Variants in DDX42 observed in about 807,000 individuals in gnomAD.
DDX42 encodes DEAD-box helicase 42, also known as ATP-dependent RNA helicase DDX42.
Under a neutral mutation model 101.5 loss-of-function variants are expected in DDX42, and 22 were observed. That is an observed-to-expected ratio of 0.22 (90% CI 0.15 to 0.31). The LOEUF is 0.31. Among genes scored for constraint, DDX42 ranks in the 10% least tolerant of loss-of-function variants. DDX42 has a pLI of 1.00. For synonymous variants in DDX42, 402 were observed against 401.2 expected (o/e 1.00, Z -0.02); for missense variants, 849 against 1,199.9 (o/e 0.71, Z 4.32).
intron 6 of DDX42, among the ~76,000 whole-genome samples, chr17:63,803,943 C>T (rs1007465870): frequency 6.6e-6 from 1 of 152,096 alleles, no homozygotes; most frequent in Non-Finnish European, 1.5e-5. Flanking sequence ...AGCCACTGCT[C>T]CAGGCCTGGA....
At position 63,789,546 on chromosome 17, in the gene DDX42, C is replaced by CGTTTT. The variant is rs138224520; in HGVS notation, c.221+2276_221+2277insGTTTT. 1.8e-4 allele frequency among the ~76,000 whole-genome samples: 22 copies of CGTTTT among 121,840 alleles called. 8 individuals are homozygous for CGTTTT. The highest frequency in any genetic ancestry group is 5.5e-4 in the African/African-American group (16 of 29,356). The allele number at this position is 121,840 out of a possible 152,430, so 79.9% of individuals were successfully genotyped here. ...ATTGGAAAAAAAAGCTTCTAAAAGA[C>CGTTTT]TTTTTTGTTTTTGTTTTTGTTTTTG... On this transcript the variant is annotated intron_variant, in intron 2 of 17. Transcript: ENST00000389924.
intron 10 of DDX42, 92 bp downstream of exon 10, chr17:63,809,040 A>G (rs1567743302): frequency 2.0e-6 from 3 of 1,535,332 alleles, no homozygotes; most frequent in Non-Finnish European, 2.6e-6. Flanking sequence ...AAAGTGTGGT[A>G]AAAGCAGGGT....
Position 63,808,810 on chromosome 17 carries a change from A to G in DDX42, c.1024-10A>G. On this transcript the variant is annotated splice_polypyrimidine_tract_variant and intron_variant, in intron 9 of 17. Transcript: ENST00000389924. The stretch of plus-strand genomic sequence containing the variant: ...CACAGTTTGTTAATATATTATTCAC[A>G]ACTTTGTAGATCCATGCAGAATGTA... The G allele has an allele frequency of 6.2e-7, 1 of 1,613,556 alleles. No homozygotes were observed. The highest frequency in any genetic ancestry group is 2.2e-5 in the East Asian group (1 of 44,864).
chr17:63,811,222 A>C, intron 13 of DDX42, 49 bp downstream of exon 13: 1 of 1,300,470 alleles, frequency 7.7e-7, no homozygotes, highest in Non-Finnish European at 1.1e-6. Context: ...TATTTCTCAT[A>C]TTATGGAACA....
intron 7 of DDX42, chr17:63,805,409 A>G (rs895507304): frequency 2.8e-5 from 13 of 472,344 alleles, no homozygotes; most frequent in South Asian, 2.6e-4. Flanking sequence ...AGTCAGTTTT[A>G]TATGTTCTGT....
chr17:63,783,424 G>A (rs1215210332), intron 1 of DDX42, among the ~76,000 whole-genome samples: 3 of 152,074 alleles, frequency 2.0e-5, no homozygotes, highest in African/African-American at 7.2e-5. Flanking sequence ...GTATACACTA[G>A]GAAAAATGAG....
intron 16 of DDX42, chr17:63,816,545 A>C: frequency 1.0e-5 from 2 of 196,188 alleles, no homozygotes; most frequent in Non-Finnish European, 2.1e-5. Flanking sequence ...ACAATATGCT[A>C]TTCAGGGCCT....
chr17:63,810,587 CA>C (rs1567744202), intron 12 of DDX42, 27 bp downstream of exon 12: 1 of 1,608,808 alleles, frequency 6.2e-7, no homozygotes, highest in Non-Finnish European at 8.5e-7. Flanking sequence ...TTTGTTAAAC[CA>C]AATTTGTACT....
Position 63,812,027 on chromosome 17 carries a change from A to C in DDX42, c.1494A>C (p.Ser498=), listed in dbSNP as rs765380045. Residue 498 remains serine (S), a synonymous_variant, in exon 14 of 18, where the codon TCA becomes TCC. Transcript: ENST00000389924. The part of the protein sequence containing the change: ...LTRRLVEFTS[S]GSVLLFVTKK... The stretch of plus-strand genomic sequence containing the variant: ...GGCGTCTGGTAGAATTTACCTCTTC[A>C]GGGAGTGTCCTCCTCTTTGTTACTA... 1.2e-6 allele frequency: 2 copies of C among 1,614,234 alleles called. No individual in the cohort carries two copies. The highest frequency in any genetic ancestry group is 2.2e-5 in the South Asian group (2 of 91,080).
At chr17:63,788,077 G>A (rs540350301) in intron 2 of DDX42, among the ~76,000 whole-genome samples, 4 of 151,604 alleles carry the variant, frequency 2.6e-5, no homozygotes, top group Admixed American at 6.6e-5. Context: ...GCTAATTTTT[G>A]TATTATTAGT....
chr17:63,790,191 A>G (rs1211633501), intron 2 of DDX42, among the ~76,000 whole-genome samples: 1 of 152,208 alleles, frequency 6.6e-6, no homozygotes, highest in African/African-American at 2.4e-5. Context: ...ATGAATGAAT[A>G]TGCATGAGTA....
Position 63,802,540 on chromosome 17 carries a change from G to A in DDX42, c.621+1923G>A, listed in dbSNP as rs71377710. Among the ~76,000 whole-genome samples, 1,380 of 152,306 alleles carry A rather than the reference G, an allele frequency of 9.1e-3. 5 individuals are homozygous for A. The highest frequency in any genetic ancestry group is 0.016 in the Non-Finnish European group (1,122 of 68,020). On this transcript the variant is annotated intron_variant, in intron 6 of 17. Coordinates refer to ENST00000389924, the MANE Select transcript of DDX42 (RefSeq NM_203499.3). ...TTCAACACTTTGGGAGGCTGAGGCG[G>A]GTAGATCGCTTGAGCTCAGGAATTT...
In DDX42 at chr17:63,789,546, C is replaced by CGTTTTTTTTTTTTTTTT. The variant is rs138224520; in HGVS notation, c.221+2276_221+2277insGTTTTTTTTTTTTTTTT. ...ATTGGAAAAAAAAGCTTCTAAAAGACTTTTTTGTTTTTGTTTTTGTTTTTG... is the reference window on the plus strand; with the variant it reads ...ATTGGAAAAAAAAGCTTCTAAAAGACGTTTTTTTTTTTTTTTTTTTTTTGTTTTTGTTTTTGTTTTTG... On this transcript the variant is annotated intron_variant, in intron 2 of 17. Transcript: ENST00000389924. Among the ~76,000 whole-genome samples, 5 of 121,850 alleles carry CGTTTTTTTTTTTTTTTT rather than the reference C, an allele frequency of 4.1e-5. 2 individuals carry two copies. Among genetic ancestry groups the CGTTTTTTTTTTTTTTTT allele is most frequent in the African/African-American group, 1.0e-4 (3 of 29,320 alleles). The allele number at this position is 121,850 out of a possible 152,430, so 79.9% of individuals were successfully genotyped here.
chr17:63,799,201 T>C (rs968842973), intron 4 of DDX42, among the ~76,000 whole-genome samples: 11 of 152,234 alleles, frequency 7.2e-5, no homozygotes, highest in African/African-American at 2.7e-4. Context: ...GTGACCTTTC[T>C]AGTATATGCC....
intron 3 of DDX42, among the ~76,000 whole-genome samples, chr17:63,797,513 T>C (rs1236174570): frequency 7.6e-6 from 1 of 132,024 alleles, no homozygotes; most frequent in African/African-American, 2.6e-5. Flanking sequence ...TGTGGGGCTT[T>C]CCTGTGTATT....
intron 13 of DDX42, 115 bp from the exon 14 acceptor site, chr17:63,811,817 G>GA (rs2039913534): frequency 2.2e-6 from 3 of 1,392,272 alleles, no homozygotes; most frequent in Non-Finnish European, 3.0e-6. Flanking sequence ...GGCCCAAGGA[G>GA]AACTGGGATT....
At chr17:63,805,363 G>T in intron 7 of DDX42, 188 bp downstream of exon 7, 1 of 655,984 alleles carries the variant, frequency 1.5e-6, no homozygotes, top group South Asian at 2.3e-5. Flanking sequence ...TCTAGATGCT[G>T]TTTTAGGATA....
At chr17:63,804,517 T>C (rs998347032) in intron 6 of DDX42, among the ~76,000 whole-genome samples, 6 of 152,208 alleles carry the variant, frequency 3.9e-5, no homozygotes, top group African/African-American at 1.4e-4. Flanking sequence ...ATTAGGAGTG[T>C]TTTTAAATGC....
rs372018734 is a variant in DDX42 at position 63,808,671 on chromosome 17, T to C, written c.1024-149T>C. 6.2e-5 allele frequency: 48 copies of C among 771,422 alleles called. No homozygotes were observed. In the East Asian group the frequency reaches 1.2e-3, roughly 19 times the overall value. 47.8% of individuals were successfully genotyped at this position (771,422 alleles called of 1,614,324 possible). ...GCAATAATGGTATTCCATTCATTTATACCTTTATGAATAAAATCGTGGTTT... is the reference window on the plus strand; with the variant it reads ...GCAATAATGGTATTCCATTCATTTACACCTTTATGAATAAAATCGTGGTTT... On this transcript the variant is annotated intron_variant, in intron 9 of 17. Transcript: ENST00000389924.
Sources: allele counts gnomAD v4.1 joint callset (sites outside exome capture counted in the v4.1 genomes callset), GRCh38; gene constraint gnomAD v4.1.1; transcripts MANE v1.5; gene names NCBI Gene and HGNC (gene_info 2026-07-23, HGNC 2026-07-21).